Variants in SLC9A3 observed in about 807,000 individuals in gnomAD.
SLC9A3 encodes solute carrier family 9 member A3, also known as sodium/hydrogen exchanger 3.
A neutral mutation model predicts 86.8 loss-of-function variants in SLC9A3; 37 were observed. That is an observed-to-expected ratio of 0.43 (90% CI 0.33 to 0.56). The LOEUF is 0.56. Ranked by LOEUF, SLC9A3 falls within the 20% of genes least tolerant of loss-of-function variation. The pLI is 0.06. For synonymous variants in SLC9A3, 581 were observed against 528.3 expected (o/e 1.10, Z -1.37); for missense variants, 1,011 against 1,171.9 (o/e 0.86, Z 2.00).
At chr5:517,405 TCATC>T (rs1270370416) in intron 1 of SLC9A3, among the ~76,000 whole-genome samples, 1 of 149,886 alleles carries the variant, frequency 6.7e-6, no homozygotes, top group South Asian at 2.1e-4. Flanking sequence ...ATCCATTCAT[TCATC>T]CATCCATCCA....
chr5:475,216 G>C (rs1388328216), intron 15 of SLC9A3, 84 bp from the exon 16 acceptor site: 1 of 1,436,708 alleles, frequency 7.0e-7, no homozygotes, highest in Non-Finnish European at 9.3e-7. Flanking sequence ...CACCTGCTGG[G>C]TGCCTTGGAA....
Position 472,885 on chromosome 5 carries a change from C to T in SLC9A3, c.*494G>A, listed in dbSNP as rs1356375412. 2.0e-6 allele frequency: 1 copy of T among 500,446 alleles called. No individual in the cohort carries two copies. The highest frequency in any genetic ancestry group is 3.7e-6 in the Non-Finnish European group (1 of 268,178). 31.0% of individuals were successfully genotyped at this position (500,446 alleles called of 1,614,324 possible). A position where few individuals can be genotyped will look rare whatever the true frequency, so the allele number is the denominator to read the frequency against. On this transcript the variant is annotated 3_prime_UTR_variant, in exon 17 of 17. Transcript: ENST00000264938. ...TGGTTTCACGCAAATCCGTTTGGGG[C>T]GAGCCTCGGTTTCCCGGCAGCGGTG...
rs550956271 is a variant in SLC9A3, at chr5:473,087, G to A, written c.*292C>T. 3.8e-5 allele frequency: 8 copies of A among 209,560 alleles called. No homozygotes were observed. In the South Asian group the frequency reaches 1.2e-3, roughly 32 times the overall value. The allele number at this position is 209,560 out of a possible 1,614,324, so 13.0% of individuals were successfully genotyped here. On this transcript the variant is annotated 3_prime_UTR_variant, in exon 17 of 17. Coordinates refer to ENST00000264938, the MANE Select transcript of SLC9A3 (RefSeq NM_004174.4). ...GAGGCCGCTGGAACGAGCGCCGGCT[G>A]TGCACGCGGCGCGCCGCCGCCGAAC...
chr5:503,412 C>T (rs1740397623), intron 1 of SLC9A3, among the ~76,000 whole-genome samples: 1 of 152,146 alleles, frequency 6.6e-6, no homozygotes, highest in South Asian at 2.1e-4. Flanking sequence ...GTGGTTTGTG[C>T]CCATAGTCCC....
intron 1 of SLC9A3, among the ~76,000 whole-genome samples, chr5:504,076 G>T (rs537484597): frequency 2.5e-4 from 38 of 152,012 alleles, no homozygotes; most frequent in African/African-American, 9.2e-4. Flanking sequence ...AATCACGGAA[G>T]TTTAGCATTC....
chr5:508,189 C>T (rs1019458689), intron 1 of SLC9A3, among the ~76,000 whole-genome samples: 6 of 151,808 alleles, frequency 4.0e-5, no homozygotes, highest in African/African-American at 1.2e-4. Context: ...CGCAGGGAGA[C>T]GCAGGCCTCA....
intron 6 of SLC9A3, 120 bp downstream of exon 6, chr5:483,142 T>C: frequency 5.1e-6 from 4 of 778,150 alleles, no homozygotes; most frequent in Non-Finnish European, 6.2e-6. Context: ...TCAGGTCCTC[T>C]CCTCTGCCTT....
rs1579755186 is a variant in SLC9A3, at chr5:472,715, C to T, written c.*664G>A. 2 of 558,538 alleles carry T rather than the reference C, an allele frequency of 3.6e-6. No homozygotes were observed. The highest frequency in any genetic ancestry group is 6.8e-6 in the Non-Finnish European group (2 of 292,916). 34.6% of individuals were successfully genotyped at this position (558,538 alleles called of 1,614,324 possible). A position where few individuals can be genotyped will look rare whatever the true frequency, so the allele number is the denominator to read the frequency against. On this transcript the variant is annotated 3_prime_UTR_variant, in exon 17 of 17. Coordinates refer to ENST00000264938, the MANE Select transcript of SLC9A3 (RefSeq NM_004174.4). Reference sequence around the variant, plus strand: ...AGACCTGGCGAGGGCCTGGAAACGGCGCTCGGCCCAGGCCGCTTGCGGGCG... The same window carrying T: ...AGACCTGGCGAGGGCCTGGAAACGGTGCTCGGCCCAGGCCGCTTGCGGGCG...
chr5:494,909 C>A (rs1432192914), intron 1 of SLC9A3, among the ~76,000 whole-genome samples: 1 of 152,208 alleles, frequency 6.6e-6, no homozygotes, highest in East Asian at 1.9e-4. Context: ...CCCAGGCTGG[C>A]TCCTGGAGGG....
At chr5:520,822 C>T (rs1231097356) in intron 1 of SLC9A3, among the ~76,000 whole-genome samples, 2 of 152,112 alleles carry the variant, frequency 1.3e-5, no homozygotes, top group Non-Finnish European at 2.9e-5. Flanking sequence ...AGGGCCCCCA[C>T]CCAGTGCTGC....
chr5:488,581 CT>C lies in SLC9A3; in HGVS notation c.515-106del, dbSNP rs1739577777. ...GGGTCGGGGTTCGGAGCCCGTCTGG[CT>C]GGCGCCGGTGGCGTGGGGAGCTGGG... On this transcript the variant is annotated intron_variant, in intron 2 of 16. Transcript: ENST00000264938. 2.5e-6 allele frequency: 3 copies of C among 1,206,802 alleles called. No individual in the cohort carries two copies. The South Asian group carries it at 4.8e-5, about 19-fold the overall frequency. 74.8% of individuals were successfully genotyped at this position (1,206,802 alleles called of 1,614,324 possible).
At chr5:522,610 T>C (rs1021677730) in intron 1 of SLC9A3, among the ~76,000 whole-genome samples, 3 of 151,634 alleles carry the variant, frequency 2.0e-5, no homozygotes, top group Admixed American at 6.6e-5. Context: ...AAATACAAAT[T>C]AGCTGGGCGT....
chr5:481,731 GC>G, intron 8 of SLC9A3, 96 bp from the exon 9 acceptor site: 2 of 1,017,586 alleles, frequency 2.0e-6, no homozygotes, highest in South Asian at 2.6e-5. Flanking sequence ...GAACCCACCA[GC>G]CCCCCTCACC....
At position 489,666 on chromosome 5, in the gene SLC9A3, C is replaced by T. The variant is rs545506841; in HGVS notation, c.515-1190G>A. On this transcript the variant is annotated intron_variant, in intron 2 of 16. Coordinates refer to ENST00000264938, the MANE Select transcript of SLC9A3 (RefSeq NM_004174.4). ...TTAAAGTTCCATGTTGGAACGGGAACCACACAAGCCTTCTCCTCTTCCAAA... is the reference window on the plus strand; with the variant it reads ...TTAAAGTTCCATGTTGGAACGGGAATCACACAAGCCTTCTCCTCTTCCAAA... 2.0e-5 allele frequency among the ~76,000 whole-genome samples: 3 copies of T among 152,320 alleles called. No homozygotes were observed. The South Asian group carries it at 6.2e-4, about 32-fold the overall frequency.
At chr5:498,505 C>T (rs1364621702) in intron 1 of SLC9A3, among the ~76,000 whole-genome samples, 1 of 152,204 alleles carries the variant, frequency 6.6e-6, no homozygotes, top group East Asian at 1.9e-4. Context: ...TGGGTTCAAG[C>T]GATTCTCCTG....
Position 473,352 on chromosome 5 carries a change from C to A in SLC9A3, c.*27G>T. On this transcript the variant is annotated 3_prime_UTR_variant, in exon 17 of 17. Coordinates refer to ENST00000264938, the MANE Select transcript of SLC9A3 (RefSeq NM_004174.4). ...CGGACCGTGGCGCGGGGACGAGCGGCCGGTTAGCGGCGTGTCGGAGCCGGT... is the reference window on the plus strand; with the variant it reads ...CGGACCGTGGCGCGGGGACGAGCGGACGGTTAGCGGCGTGTCGGAGCCGGT... The A allele has an allele frequency of 1.4e-6, 2 of 1,416,854 alleles. No homozygotes were observed. The highest frequency in any genetic ancestry group is 1.9e-6 in the Non-Finnish European group (2 of 1,078,956). The allele number at this position is 1,416,854 out of a possible 1,614,324, so 87.8% of individuals were successfully genotyped here. A position where few individuals can be genotyped will look rare whatever the true frequency, so the allele number is the denominator to read the frequency against.
intron 1 of SLC9A3, among the ~76,000 whole-genome samples, chr5:514,387 C>G (rs12109836): frequency 0.56 from 85,733 of 152,144 alleles, 24,322 homozygotes; most frequent in Non-Finnish European, 0.59. Flanking sequence ...TGTGCCCTCC[C>G]TCCTCACCTC....
intron 2 of SLC9A3, among the ~76,000 whole-genome samples, chr5:489,472 G>A (rs1314791815): frequency 6.6e-6 from 1 of 152,180 alleles, no homozygotes; most frequent in South Asian, 2.1e-4. Context: ...GCAGAGAGCA[G>A]CCTGGCCAGG....
At chr5:502,383 C>T (rs944685574) in intron 1 of SLC9A3, among the ~76,000 whole-genome samples, 2 of 152,220 alleles carry the variant, frequency 1.3e-5, no homozygotes, top group Non-Finnish European at 2.9e-5. Flanking sequence ...GACCTGGATG[C>T]AGATCCCAGC....
Sources: gnomAD v4.1 joint callset for allele counts (sites outside exome capture counted in the v4.1 genomes callset) on GRCh38, gnomAD v4.1.1 for gene constraint, MANE v1.5 for transcripts, NCBI Gene and HGNC (gene_info 2026-07-23, HGNC 2026-07-21) for gene names.